RALYL: variants seen among roughly 807,000 people sequenced by gnomAD.
RALYL encodes the protein RNA-binding Raly-like protein.
In RALYL, 29 loss-of-function variants were observed where a neutral mutation model predicts 35.1. The observed-to-expected ratio is 0.83, with a 90% CI of 0.61 to 1.13. The LOEUF (loss-of-function observed/expected upper bound fraction) is 1.13. Among genes scored for constraint, RALYL ranks in the 50% most tolerant of loss-of-function variants. The pLI, the probability that RALYL is intolerant of heterozygous loss-of-function variation, is 0.00. For synonymous variants in RALYL, 120 were observed against 127.6 expected (o/e 0.94, Z 0.40); for missense variants, 359 against 360.4 (o/e 1.00, Z 0.03).
chr8:84,188,567 G>A (rs1813097033), intron 1 of RALYL, among the ~76,000 whole-genome samples: 1 of 151,882 alleles, frequency 6.6e-6, no homozygotes, highest in Admixed American at 6.6e-5. Flanking sequence ...CATTTTATTG[G>A]CAATAACAAC....
chr8:84,580,413 C>CACTCAAAGTGGAAGATA (rs778411693), intron 2 of RALYL, among the ~76,000 whole-genome samples: 66 of 152,152 alleles, frequency 4.3e-4, no homozygotes, highest in Non-Finnish European at 8.5e-4. Context: ...AGGCAGCTTT[C>CACTCAAAGTGGAAGATA]ACTCAAAGTG....
intron 2 of RALYL, among the ~76,000 whole-genome samples, chr8:84,680,916 G>A (rs1455874635): frequency 6.6e-6 from 1 of 151,894 alleles, no homozygotes; most frequent in South Asian, 2.1e-4. Context: ...TAGACATGAA[G>A]TCCTTGCCCA....
intron 5 of RALYL, among the ~76,000 whole-genome samples, chr8:84,851,368 A>G (rs942203887): frequency 1.3e-5 from 2 of 152,204 alleles, no homozygotes; most frequent in African/African-American, 2.4e-5. Context: ...TACCGTTTAT[A>G]TGTTGTAGTA....
chr8:84,303,058 C>A (rs1841120196), intron 1 of RALYL, among the ~76,000 whole-genome samples: 1 of 152,126 alleles, frequency 6.6e-6, no homozygotes, highest in South Asian at 2.1e-4. Flanking sequence ...GAGGTTAGGA[C>A]ACATTCAGGG....
intron 2 of RALYL, among the ~76,000 whole-genome samples, chr8:84,610,007 C>A (rs752990430): frequency 2.0e-4 from 31 of 152,080 alleles, no homozygotes; most frequent in Non-Finnish European, 4.3e-4. Context: ...ATACGAAAGA[C>A]CCGCCCCCAT....
At chr8:84,829,994 T>C (rs1415457205) in intron 4 of RALYL, among the ~76,000 whole-genome samples, 2 of 109,882 alleles carry the variant, frequency 1.8e-5, no homozygotes, top group Non-Finnish European at 3.4e-5. Flanking sequence ...ATAAGACACA[T>C]CACAGCATTT....
At chr8:84,588,061 C>T (rs899277671) in intron 2 of RALYL, among the ~76,000 whole-genome samples, 19 of 152,130 alleles carry the variant, frequency 1.2e-4, no homozygotes, top group Admixed American at 1.1e-3. Context: ...CCAAGAGAAA[C>T]ATTGACAGAA....
At chr8:84,462,680 T>C (rs1008894005) in intron 1 of RALYL, among the ~76,000 whole-genome samples, 14 of 151,618 alleles carry the variant, frequency 9.2e-5, no homozygotes, top group Admixed American at 8.6e-4. Context: ...GTAAAACTTA[T>C]TTTTCTTCAT....
chr8:84,737,146 T>C (rs1847461893), intron 2 of RALYL, among the ~76,000 whole-genome samples: 1 of 152,096 alleles, frequency 6.6e-6, no homozygotes, highest in African/African-American at 2.4e-5. Flanking sequence ...ATTTTCTGTC[T>C]GATTCCACAT....
chr8:84,428,506 T>C (rs1432163130), intron 1 of RALYL, among the ~76,000 whole-genome samples: 1 of 152,194 alleles, frequency 6.6e-6, no homozygotes, highest in Non-Finnish European at 1.5e-5. Flanking sequence ...GGCATAAACA[T>C]AGAATTCTTG....
chr8:84,728,473 G>A (rs565845753), intron 2 of RALYL, among the ~76,000 whole-genome samples: 17 of 151,550 alleles, frequency 1.1e-4, no homozygotes, highest in Admixed American at 2.6e-4. Flanking sequence ...AAGCTCTTTA[G>A]TTTAATTAGA....
At chr8:84,895,149 C>T (rs1007843919) in intron 8 of RALYL, among the ~76,000 whole-genome samples, 1 of 152,138 alleles carries the variant, frequency 6.6e-6, no homozygotes, top group African/African-American at 2.4e-5. Context: ...TATTTTAGCA[C>T]AGCATTCAAA....
chr8:84,682,288 G>C (rs1294543406), intron 2 of RALYL, among the ~76,000 whole-genome samples: 1 of 152,064 alleles, frequency 6.6e-6, no homozygotes, highest in African/African-American at 2.4e-5. Flanking sequence ...CAGGGTTATT[G>C]GTCTAAAATT....
At chr8:84,746,519 T>C (rs935163371) in intron 2 of RALYL, among the ~76,000 whole-genome samples, 1 of 151,958 alleles carries the variant, frequency 6.6e-6, no homozygotes, top group African/African-American at 2.4e-5. Flanking sequence ...AATAAGAGAA[T>C]CAGTCATGGT....
At chr8:84,820,065 A>G (rs943394310) in intron 4 of RALYL, among the ~76,000 whole-genome samples, 6 of 152,100 alleles carry the variant, frequency 3.9e-5, no homozygotes, top group Non-Finnish European at 8.8e-5. Context: ...GAGAGAGAGA[A>G]CCTGTTCAAT....
chr8:84,197,171 A>C (rs1419490610), intron 1 of RALYL, among the ~76,000 whole-genome samples: 1 of 152,228 alleles, frequency 6.6e-6, no homozygotes, highest in African/African-American at 2.4e-5. Context: ...ACTTAGTTTC[A>C]GAAGTTATTT....
intron 1 of RALYL, among the ~76,000 whole-genome samples, chr8:84,414,251 A>T (rs942065835): frequency 6.6e-6 from 1 of 152,316 alleles, no homozygotes; most frequent in South Asian, 2.1e-4. Context: ...GTAGCAAAGA[A>T]AATTAACAAT....
chr8:84,479,469 G>A (rs1456887346), intron 1 of RALYL, among the ~76,000 whole-genome samples: 1 of 152,046 alleles, frequency 6.6e-6, no homozygotes, highest in Non-Finnish European at 1.5e-5. Context: ...CGTGTTTTAG[G>A]ATTAAAATAG....
At chr8:84,253,221 G>A (rs1326211068) in intron 1 of RALYL, among the ~76,000 whole-genome samples, 2 of 106,000 alleles carry the variant, frequency 1.9e-5, no homozygotes, top group African/African-American at 3.7e-5. Flanking sequence ...ACAGAATCTC[G>A]CTCTGTTGCC....
Sources: gnomAD v4.1 joint callset for allele counts (sites outside exome capture counted in the v4.1 genomes callset) on GRCh38, gnomAD v4.1.1 for gene constraint, MANE v1.5 for transcripts, NCBI Gene and HGNC (gene_info 2026-07-23, HGNC 2026-07-21) for gene names.